Variants in SV2B observed in about 807,000 individuals in gnomAD.
The protein encoded by SV2B is solute carrier family 22 member B2.
In SV2B, 41 loss-of-function variants were observed where a neutral mutation model predicts 73.9. That is an observed-to-expected ratio of 0.56 (90% CI 0.43 to 0.72). The LOEUF (loss-of-function observed/expected upper bound fraction) is 0.72, where lower values mean the gene tolerates loss of function less well. Among genes scored for constraint, SV2B ranks in the 30% least tolerant of loss-of-function variants. SV2B has a pLI of 0.00. For synonymous variants in SV2B, 314 were observed against 314.2 expected (o/e 1.00, Z 0.01); for missense variants, 764 against 857.8 (o/e 0.89, Z 1.37).
rs1053315143 is a variant in SV2B at position 91,224,758 on chromosome 15, G to A, written c.-391-1115G>A. Among the ~76,000 whole-genome samples, 3 of 151,944 alleles carry A rather than the reference G, an allele frequency of 2.0e-5. No individual in the cohort carries two copies. Among genetic ancestry groups the A allele is most frequent in the Non-Finnish European group, 2.9e-5 (2 of 67,976 alleles). On this transcript the variant is annotated intron_variant, in intron 1 of 12. Coordinates refer to ENST00000394232, the MANE Select transcript of SV2B (RefSeq NM_001323032.3). This position sits in a 1 kb window ranked among gnomAD's most constrained non-coding sequence, Gnocchi z 4.9. ...TTTTTCTTTCTTTTTTTGCTGTTGTGGGAATTACAGATAAGAGATGTGATA... is the reference window on the plus strand; with the variant it reads ...TTTTTCTTTCTTTTTTTGCTGTTGTAGGAATTACAGATAAGAGATGTGATA...
At chr15:91,148,472 T>C (rs150168764) in intron 1 of SV2B, among the ~76,000 whole-genome samples, 9 of 152,214 alleles carry the variant, frequency 5.9e-5, no homozygotes, top group Middle Eastern at 3.4e-3. Flanking sequence ...TTAGCCCATC[T>C]TAGTCTGGGT....
rs1450020152 is a variant in SV2B, at chr15:91,290,612, T to C, written c.1868+932T>C. On this transcript the variant is annotated intron_variant, in intron 12 of 12. Coordinates refer to ENST00000394232, the MANE Select transcript of SV2B (RefSeq NM_001323032.3). The surrounding 1 kb of genome is among the most constrained non-coding windows in gnomAD (Gnocchi z 4.7). ...TAAAATATATCGAAAAAGTTAAAGA[T>C]GCAATTGATATCCATTTAATAATGG... Among the ~76,000 whole-genome samples the C allele has an allele frequency of 6.6e-6, 1 of 152,172 alleles. No homozygotes were observed. Among genetic ancestry groups the C allele is most frequent in the Non-Finnish European group, 1.5e-5 (1 of 68,016 alleles).
chr15:91,212,696 G>A (rs2045907884), intron 1 of SV2B, among the ~76,000 whole-genome samples: 1 of 152,058 alleles, frequency 6.6e-6, no homozygotes, highest in African/African-American at 2.4e-5. Flanking sequence ...GCTCACTCCT[G>A]TAGTCCCAGC....
At chr15:91,169,129 T>G (rs1230661738) in intron 1 of SV2B, among the ~76,000 whole-genome samples, 2 of 152,232 alleles carry the variant, frequency 1.3e-5, no homozygotes, top group Admixed American at 1.3e-4. Context: ...TAATAATCAC[T>G]GTCATCTCAT....
At chr15:91,262,916 G>A (rs147346055) in intron 6 of SV2B, among the ~76,000 whole-genome samples, 395 of 152,268 alleles carry the variant, frequency 2.6e-3, no homozygotes, top group South Asian at 4.8e-3. Context: ...CTGCTGCCTC[G>A]TTCCATGGCC....
chr15:91,181,466 G>A (rs2044556893), intron 1 of SV2B, among the ~76,000 whole-genome samples: 1 of 151,940 alleles, frequency 6.6e-6, no homozygotes, highest in Non-Finnish European at 1.5e-5. Flanking sequence ...GGTTACTGCT[G>A]TCTTTTTGTT....
intron 1 of SV2B, among the ~76,000 whole-genome samples, chr15:91,145,188 G>T (rs2043112159): frequency 1.3e-5 from 2 of 152,074 alleles, no homozygotes; most frequent in Non-Finnish European, 2.9e-5. Flanking sequence ...CCTCACCCAT[G>T]TGTCCATGTG....
intron 11 of SV2B, among the ~76,000 whole-genome samples, chr15:91,287,186 C>A (rs1006536037): frequency 2.6e-5 from 4 of 152,164 alleles, no homozygotes; most frequent in Admixed American, 2.6e-4. Flanking sequence ...GGACAGTTAT[C>A]ATTTCCTAGT....
rs185156861 is a variant in SV2B, at chr15:91,186,094, G to A, written c.-391-39779G>A. 2.5e-3 allele frequency among the ~76,000 whole-genome samples: 386 copies of A among 152,236 alleles called. 1 individual carries two copies. Among genetic ancestry groups the A allele is most frequent in the Non-Finnish European group, 3.8e-3 (259 of 68,012 alleles). ...GTATTATTCTTCTCTGAATAGGGGTGTGAATTTTGGCAAAGAATTACCTAC... is the reference window on the plus strand; with the variant it reads ...GTATTATTCTTCTCTGAATAGGGGTATGAATTTTGGCAAAGAATTACCTAC... On this transcript the variant is annotated intron_variant, in intron 1 of 12. Transcript: ENST00000394232.
In SV2B at chr15:91,252,422, G is replaced by A. The variant is rs780342749; in HGVS notation, c.686G>A (p.Arg229Gln). Residue 229 changes from arginine (R) to glutamine (Q), a missense_variant, in exon 4 of 13, where the codon CGG (arginine) becomes CAG (glutamine). Arg to Gln is a conservative substitution (Grantham distance 43). Transcript: ENST00000394232. This position sits in a 1 kb window ranked among gnomAD's most constrained non-coding sequence, Gnocchi z 4.6. ...GCCTATTTTTCTGAATTCTTGTCTC[G>A]GGAGAAGCGAGGAGAACACCTCAGT... ...VFAYFSEFLS[R>Q]EKRGEHLSWL... The A allele has an allele frequency of 4.3e-6, 7 of 1,613,414 alleles. No homozygotes were observed. Among genetic ancestry groups the A allele is most frequent in the East Asian group, 2.2e-5 (1 of 44,838 alleles).
rs775815258 is a variant in SV2B at position 91,211,801 on chromosome 15, C to CTTTT, written c.-391-14053_-391-14050dup. Among the ~76,000 whole-genome samples, 343 of 105,982 alleles carry CTTTT rather than the reference C, an allele frequency of 3.2e-3. 16 individuals carry two copies. The highest frequency in any genetic ancestry group is 0.013 in the African/African-American group (323 of 25,026). 69.5% of individuals were successfully genotyped at this position (105,982 alleles called of 152,430 possible). ...ACAGGCATGAGCCACCTCGCCTGGG[C>CTTTT]TTTTTTTTTTTTTTTTTTTTTTGAG... On this transcript the variant is annotated intron_variant, in intron 1 of 12. Transcript: ENST00000394232.
Position 91,157,604 on chromosome 15 carries a change from C to T in SV2B, c.-392+57241C>T, listed in dbSNP as rs114143945. On this transcript the variant is annotated intron_variant, in intron 1 of 12. Coordinates refer to ENST00000394232, the MANE Select transcript of SV2B (RefSeq NM_001323032.3). ...TGCACATTCTAAGTCATTTATTTCT[C>T]ACAACAACACTGTGATGCAGATGCC... is the stretch of plus-strand genomic sequence containing the variant. Among the ~76,000 whole-genome samples the T allele has an allele frequency of 1.8e-3, 275 of 152,290 alleles. 3 individuals carry two copies. The highest frequency in any genetic ancestry group is 6.4e-3 in the African/African-American group (264 of 41,558).
At chr15:91,287,644 T>G (rs979738609) in intron 11 of SV2B, among the ~76,000 whole-genome samples, 1 of 152,222 alleles carries the variant, frequency 6.6e-6, no homozygotes, top group Non-Finnish European at 1.5e-5. Flanking sequence ...CCCAGAGTTC[T>G]GAGCTGGACT....
chr15:91,105,364 G>T lies in SV2B; in HGVS notation c.-392+5001G>T, dbSNP rs2041854608. ...AGGAAGTGAAGGAGTGAGCCAGACA[G>T]TTATCTGGGGAAAGACATTTCCAGG... On this transcript the variant is annotated intron_variant, in intron 1 of 12. Coordinates refer to ENST00000394232, the MANE Select transcript of SV2B (RefSeq NM_001323032.3). This position sits in a 1 kb window ranked among gnomAD's most constrained non-coding sequence, Gnocchi z 5.5. Among the ~76,000 whole-genome samples the T allele has an allele frequency of 6.6e-6, 1 of 152,166 alleles. No homozygotes were observed. The highest frequency in any genetic ancestry group is 6.5e-5 in the Admixed American group (1 of 15,272).
In SV2B at chr15:91,266,712, T is replaced by C. The variant is rs757286181; in HGVS notation, c.1119+20T>C. ...AAGCAGGTATGATTGGGAACTTACT[T>C]TGGATGAGGATGCGTCTCTATGGGA... On this transcript the variant is annotated intron_variant, in intron 7 of 12. Transcript: ENST00000394232. 1.9e-6 allele frequency: 3 copies of C among 1,588,228 alleles called. No individual in the cohort carries two copies. The highest frequency in any genetic ancestry group is 2.2e-5 in the East Asian group (1 of 44,690).
chr15:91,116,807 C>T (rs772373335), intron 1 of SV2B, among the ~76,000 whole-genome samples: 3 of 152,168 alleles, frequency 2.0e-5, no homozygotes, highest in Non-Finnish European at 2.9e-5. Context: ...TTCCATGTGG[C>T]TGGGGGAGCC....
rs73520624 is a variant in SV2B at position 91,301,817 on chromosome 15, G to A, written c.*9265G>A. On this transcript the variant is annotated 3_prime_UTR_variant, in exon 13 of 13. Transcript: ENST00000394232. The surrounding 1 kb of genome is among the most constrained non-coding windows in gnomAD (Gnocchi z 4.3). ...CACATTTGATATCTAAAATACTCCA[G>A]TGAGCTTTTCCTTGGAGTACACGTT... Among the ~76,000 whole-genome samples, 11,038 of 152,238 alleles carry A rather than the reference G, an allele frequency of 0.073. 1,206 individuals carry two copies. The highest frequency in any genetic ancestry group is 0.23 in the African/African-American group (9,517 of 41,508).
At position 91,223,859 on chromosome 15, in the gene SV2B, G is replaced by A. The variant is rs2046293163; in HGVS notation, c.-391-2014G>A. 6.6e-6 allele frequency among the ~76,000 whole-genome samples: 1 copy of A among 152,218 alleles called. No individual in the cohort carries two copies. The highest frequency in any genetic ancestry group is 6.5e-5 in the Admixed American group (1 of 15,284). Reference sequence around the variant, plus strand: ...CTTCTTTGGCACTGTTTCTCAAAGTGCAGTCCTGGATTCCGTGTGTTATTT... The same window carrying A: ...CTTCTTTGGCACTGTTTCTCAAAGTACAGTCCTGGATTCCGTGTGTTATTT... On this transcript the variant is annotated intron_variant, in intron 1 of 12. Coordinates refer to ENST00000394232, the MANE Select transcript of SV2B (RefSeq NM_001323032.3). This position sits in a 1 kb window ranked among gnomAD's most constrained non-coding sequence, Gnocchi z 4.6.
Position 91,281,565 on chromosome 15 carries a change from TAAAC to T in SV2B, c.1374-157_1374-154del, listed in dbSNP as rs917424041. Among the ~76,000 whole-genome samples the T allele has an allele frequency of 2.0e-5, 3 of 152,228 alleles. No homozygotes were observed. The highest frequency in any genetic ancestry group is 4.4e-5 in the Non-Finnish European group (3 of 68,046). ...AGGTCCTGAAGCCCTTCCCCACTAA[TAAAC>T]AAACAGCTAAGAAGTGGGGAAGTGG... On this transcript the variant is annotated intron_variant, in intron 9 of 12. Coordinates refer to ENST00000394232, the MANE Select transcript of SV2B (RefSeq NM_001323032.3). The surrounding 1 kb of genome is among the most constrained non-coding windows in gnomAD (Gnocchi z 4.7).
Sources: gnomAD v4.1 joint callset for allele counts (sites outside exome capture counted in the v4.1 genomes callset) on GRCh38, gnomAD v4.1.1 for gene constraint, Gnocchi (gnomAD v3.1) non-coding constraint, MANE v1.5 for transcripts, NCBI Gene and HGNC (gene_info 2026-07-23, HGNC 2026-07-21) for gene names.